CEP83: variants seen among roughly 807,000 people sequenced by gnomAD.
CEP83 encodes the protein centrosomal protein 83.
CEP83 carries 70 observed loss-of-function variants against 101.9 expected under a neutral mutation model. The ratio of observed to expected loss-of-function variants is 0.69; its 90% CI spans 0.57 to 0.84. The LOEUF (loss-of-function observed/expected upper bound fraction) is 0.84. CEP83 is among the 40% of genes least tolerant of loss of function. The probability of loss-of-function intolerance (pLI) is 0.00; values close to 1 mark genes in which losing one functional copy is unlikely to be tolerated. For missense variants in CEP83, 715 were observed against 787.2 expected, an observed-to-expected ratio of 0.91 and a Z score of 1.10; for synonymous variants, 264 against 267.9, an observed-to-expected ratio of 0.99 and a Z score of 0.14.
intron 11 of CEP83, among the ~76,000 whole-genome samples, chr12:94,340,038 T>C (rs1169466968): frequency 1.7e-4 from 26 of 152,222 alleles, no homozygotes; most frequent in Admixed American, 1.6e-3. Flanking sequence ...TATTAAATGA[T>C]AGTTTTTTGG....
intron 13 of CEP83, among the ~76,000 whole-genome samples, chr12:94,332,121 G>A (rs1475884850): frequency 6.6e-6 from 1 of 152,202 alleles, no homozygotes; most frequent in Non-Finnish European, 1.5e-5. Flanking sequence ...GAGGATTAGA[G>A]CAGTTAACGA....
chr12:94,304,677 T>G (rs1191494400), downstream of CEP83, among the ~76,000 whole-genome samples: 1 of 152,052 alleles, frequency 6.6e-6, no homozygotes, highest in Non-Finnish European at 1.5e-5. Flanking sequence ...GAAGATGAAG[T>G]GAAGCTCTAA....
intron 14 of CEP83, among the ~76,000 whole-genome samples, chr12:94,326,882 C>T (rs757719087): frequency 3.9e-5 from 6 of 152,190 alleles, no homozygotes; most frequent in Non-Finnish European, 8.8e-5. Context: ...TGCTGGCACT[C>T]TGACTGTAGA....
intron 11 of CEP83, among the ~76,000 whole-genome samples, chr12:94,340,477 C>G (rs1372978796): frequency 6.6e-6 from 1 of 151,736 alleles, no homozygotes; most frequent in African/African-American, 2.4e-5. Flanking sequence ...CACTCTGTCA[C>G]CCAGGCTGGA....
chr12:94,363,821 G>A (rs1398554104), intron 11 of CEP83, among the ~76,000 whole-genome samples: 8 of 151,734 alleles, frequency 5.3e-5, no homozygotes, highest in East Asian at 1.9e-4. Flanking sequence ...GGTAGCAGGC[G>A]CCTTTAATCC....
At chr12:94,338,348 G>A (rs747500668) in intron 11 of CEP83, among the ~76,000 whole-genome samples, 14 of 152,120 alleles carry the variant, frequency 9.2e-5, no homozygotes, top group Non-Finnish European at 1.6e-4. Flanking sequence ...TTAACTGCAA[G>A]AGATAAAAGA....
intron 11 of CEP83, among the ~76,000 whole-genome samples, chr12:94,343,255 C>A (rs570636839): frequency 1.3e-5 from 2 of 151,872 alleles, no homozygotes; most frequent in Admixed American, 6.6e-5. Context: ...GTCCAGAATG[C>A]GAACTTAAGA....
chr12:94,314,952 T>G, intron 14 of CEP83, among the ~76,000 whole-genome samples: 1 of 152,250 alleles, frequency 6.6e-6, no homozygotes. Context: ...TCTTTTTCAT[T>G]GCAATGTTGT....
At chr12:94,274,677 C>T in the CEP83 span, among the ~76,000 whole-genome samples, 1 of 152,190 alleles carries the variant, frequency 6.6e-6, no homozygotes, top group Non-Finnish European at 1.5e-5. Flanking sequence ...TATGCCATCC[C>T]ATCGATTTGG....
downstream of CEP83, chr12:94,304,216 C>T (rs1386771625): frequency 3.7e-6 from 2 of 546,192 alleles, no homozygotes; most frequent in African/African-American, 3.8e-5. Context: ...AGACCCTGTA[C>T]ATGGCTGCCC....
chr12:94,353,630 T>C (rs543176559), intron 11 of CEP83, among the ~76,000 whole-genome samples: 2 of 151,488 alleles, frequency 1.3e-5, no homozygotes, highest in Admixed American at 6.6e-5. Flanking sequence ...TTAAGACATA[T>C]AGACTGGGTA....
intron 11 of CEP83, among the ~76,000 whole-genome samples, chr12:94,347,927 CAAT>C (rs1183741384): frequency 6.6e-6 from 1 of 151,832 alleles, no homozygotes; most frequent in Non-Finnish European, 1.5e-5. Flanking sequence ...TAAATGATAA[CAAT>C]AAAACTATAG....
chr12:94,334,937 G>A (rs1186008993), intron 12 of CEP83, among the ~76,000 whole-genome samples: 4 of 152,004 alleles, frequency 2.6e-5, no homozygotes, highest in Non-Finnish European at 5.9e-5. Context: ...AGTATCAAAC[G>A]TTATGTCCAT....
At chr12:94,415,764 C>T (rs1408472040) in intron 2 of CEP83, among the ~76,000 whole-genome samples, 2 of 152,146 alleles carry the variant, frequency 1.3e-5, no homozygotes, top group East Asian at 1.9e-4. Flanking sequence ...AATTTCACCA[C>T]TATTCTTGGT....
At chr12:94,456,410 G>C (rs547790898) in intron 1 of CEP83, among the ~76,000 whole-genome samples, 73 of 152,302 alleles carry the variant, frequency 4.8e-4, no homozygotes, top group Middle Eastern at 3.4e-3. Flanking sequence ...AAAAGTGGGG[G>C]AAAGTAGAAA....
At chr12:94,340,436 AT>A (rs143511419) in intron 11 of CEP83, among the ~76,000 whole-genome samples, 19,700 of 141,208 alleles carry the variant, frequency 0.14, 1,329 homozygotes, top group African/African-American at 0.19. Context: ...TTGTCTCTAG[AT>A]TTTTTTTTTT....
At chr12:94,277,146 G>T in the CEP83 span, 1 of 152,192 alleles carries the variant, frequency 6.6e-6, no homozygotes. Context: ...ATCAAGAGTT[G>T]GTGTCCTGTG....
At chr12:94,375,814 T>C (rs963004728) in intron 8 of CEP83, 72 bp downstream of exon 8, 20 of 818,996 alleles carry the variant, frequency 2.4e-5, no homozygotes, top group Non-Finnish European at 3.3e-5. Context: ...AAATCAATTA[T>C]TAAAAATAAA....
chr12:94,413,633 A>G (rs1019514754), intron 2 of CEP83, among the ~76,000 whole-genome samples: 18 of 152,144 alleles, frequency 1.2e-4, no homozygotes, highest in Non-Finnish European at 1.9e-4. Flanking sequence ...ATCAACTCCT[A>G]TGTGTTATAC....
Sources: gnomAD v4.1 joint callset for allele counts (sites outside exome capture counted in the v4.1 genomes callset) on GRCh38, gnomAD v4.1.1 for gene constraint, MANE v1.5 for transcripts, NCBI Gene and HGNC (gene_info 2026-07-23, HGNC 2026-07-21) for gene names.